HIRA: variants seen among roughly 807,000 people sequenced by gnomAD.
The protein encoded by HIRA is protein HIRA.
Under a neutral mutation model 126.6 loss-of-function variants are expected in HIRA, and 13 were observed. The observed-to-expected ratio is 0.10, with a 90% confidence interval of 0.07 to 0.16. The LOEUF (loss-of-function observed/expected upper bound fraction) is 0.16. Among genes scored for constraint, HIRA ranks in the 10% least tolerant of loss-of-function variants. The pLI is 1.00. For missense variants in HIRA, 834 were observed against 1,314.4 expected (o/e 0.63, Z 5.65); for synonymous variants, 511 against 520.0 (o/e 0.98, Z 0.24).
intron 2 of HIRA, among the ~76,000 whole-genome samples, chr22:19,410,424 C>G (rs1436186601): frequency 6.6e-6 from 1 of 152,216 alleles, no homozygotes; most frequent in Admixed American, 6.5e-5. Context: ...GGACCACCTA[C>G]CGCTCTCGAT....
chr22:19,346,624 G>A (rs2088689835), intron 24 of HIRA, among the ~76,000 whole-genome samples: 1 of 152,344 alleles, frequency 6.6e-6, no homozygotes, highest in African/African-American at 2.4e-5. Flanking sequence ...TGCAGCAGAG[G>A]TGGGTGCCCA....
rs782466504 is a variant in HIRA at position 19,354,040 on chromosome 22, C to A, written c.2640G>T (p.Met880Ile). 6.2e-7 allele frequency: 1 copy of A among 1,613,512 alleles called. No homozygotes were observed. The highest frequency in any genetic ancestry group is 8.5e-7 in the Non-Finnish European group (1 of 1,179,820). Residue 880 changes from methionine (M) to isoleucine (I), a missense_variant, in exon 22 of 25, where the codon ATG becomes ATT. Met to Ile is a conservative substitution (Grantham distance 10, BLOSUM62 1). This residue lies in a region of HIRA where 468 missense variants were observed against 574.2 expected (regional missense o/e 0.82). Coordinates refer to ENST00000263208, the MANE Select transcript of HIRA (RefSeq NM_003325.4). ...FRSSLPSQDA[M>I]LCSGPLAIIQ... Reference sequence around the variant, plus strand: ...TTATGGCTAACGGTCCTGAGCACAGCATGGCGTCCTGGGATGGCAGGCTGC... The same window carrying A: ...TTATGGCTAACGGTCCTGAGCACAGAATGGCGTCCTGGGATGGCAGGCTGC...
chr22:19,335,854 T>C (rs565003272), intron 24 of HIRA, among the ~76,000 whole-genome samples: 1 of 152,226 alleles, frequency 6.6e-6, no homozygotes, highest in South Asian at 2.1e-4. Flanking sequence ...AATTAGCTTG[T>C]CAAGTTTCAT....
intron 14 of HIRA, among the ~76,000 whole-genome samples, chr22:19,376,976 T>A (rs2089024832): frequency 6.6e-6 from 1 of 152,208 alleles, no homozygotes; most frequent in South Asian, 2.1e-4. Flanking sequence ...GTCTCCACTC[T>A]GGGGAAAAGC....
intron 13 of HIRA, 132 bp downstream of exon 13, chr22:19,383,488 T>G: frequency 1.4e-6 from 1 of 733,506 alleles, no homozygotes. Flanking sequence ...TGAGCTTCAC[T>G]TCCTTGCTTC....
At chr22:19,346,447 C>T (rs1475563300) in intron 24 of HIRA, among the ~76,000 whole-genome samples, 2 of 152,256 alleles carry the variant, frequency 1.3e-5, no homozygotes, top group African/African-American at 4.8e-5. Context: ...GATGAAAAGA[C>T]AGTAAACATA....
At chr22:19,426,049 T>A (rs2089485895) in intron 1 of HIRA, among the ~76,000 whole-genome samples, 2 of 151,996 alleles carry the variant, frequency 1.3e-5, no homozygotes, top group Admixed American at 1.3e-4. Flanking sequence ...AGTAAATAAA[T>A]ACATTCAGAG....
At chr22:19,353,323 G>C in intron 23 of HIRA, 33 bp downstream of exon 23, 1 of 1,611,632 alleles carries the variant, frequency 6.2e-7, no homozygotes, top group East Asian at 2.2e-5. Context: ...GGGGCAGAAG[G>C]AGAAGGCTGC....
intron 20 of HIRA, among the ~76,000 whole-genome samples, 178 bp from the exon 21 acceptor site, chr22:19,356,043 C>A (rs1569293670): frequency 2.6e-5 from 4 of 152,224 alleles, no homozygotes. Flanking sequence ...GCTTTTGTCA[C>A]CTCTTGGGGA....
chr22:19,359,301 T>C (rs2088842136), intron 18 of HIRA, 35 bp downstream of exon 18: 3 of 1,509,066 alleles, frequency 2.0e-6, no homozygotes, highest in Admixed American at 4.1e-5. Context: ...TGTGCCTGTG[T>C]CACCTGGGCC....
intron 24 of HIRA, among the ~76,000 whole-genome samples, chr22:19,334,325 C>A (rs2088536544): frequency 6.6e-6 from 1 of 150,722 alleles, no homozygotes. Context: ...TGTCTGTATT[C>A]TCCTTGAGCA....
At chr22:19,429,305 T>G (rs1223654228) in intron 1 of HIRA, among the ~76,000 whole-genome samples, 3 of 151,944 alleles carry the variant, frequency 2.0e-5, no homozygotes, top group African/African-American at 7.3e-5. Context: ...GCCCAGCTAA[T>G]TTTTGTATTT....
intron 24 of HIRA, among the ~76,000 whole-genome samples, chr22:19,345,910 A>G (rs1340391330): frequency 1.3e-5 from 2 of 152,200 alleles, no homozygotes; most frequent in African/African-American, 4.8e-5. Context: ...AGTTGAAAGA[A>G]ATCTGAACCT....
chr22:19,344,224 C>T (rs1416880059), intron 24 of HIRA, among the ~76,000 whole-genome samples: 1 of 151,940 alleles, frequency 6.6e-6, no homozygotes, highest in Non-Finnish European at 1.5e-5. Flanking sequence ...ATCAATGAAA[C>T]CAAAAGTTGA....
chr22:19,389,357 A>C (rs2089156395), intron 9 of HIRA, among the ~76,000 whole-genome samples: 1 of 152,106 alleles, frequency 6.6e-6, no homozygotes, highest in Non-Finnish European at 1.5e-5. Flanking sequence ...ACTTGTGCAC[A>C]AGTGCCTGGC....
rs143858430 is a variant in HIRA at position 19,385,685 on chromosome 22, C to T, written c.1165G>A (p.Ala389Thr). 2.1e-3 allele frequency: 3,331 copies of T among 1,614,030 alleles called. 8 individuals are homozygous for T. Among genetic ancestry groups the T allele is most frequent in the Non-Finnish European group, 2.4e-3 (2,816 of 1,180,020 alleles). Residue 389 changes from alanine (A) to threonine (T), a missense_variant, in exon 12 of 25, where the codon GCC becomes ACC. This residue lies in a region of HIRA where 153 missense variants were observed against 270.6 expected (regional missense o/e 0.57). Transcript: ENST00000263208. ...YGKSLAIMTE[A>T]QLSTAVIENP... is the part of the protein sequence containing the mutation. Reference sequence around the variant, plus strand: ...TCAATGACGGCTGTGGAGAGCTGGGCCTCGGTCATGATGGCTAGGCTCTTG... The same window carrying T: ...TCAATGACGGCTGTGGAGAGCTGGGTCTCGGTCATGATGGCTAGGCTCTTG...
chr22:19,336,664 A>C (rs2088570283), intron 24 of HIRA, among the ~76,000 whole-genome samples: 1 of 152,248 alleles, frequency 6.6e-6, no homozygotes, highest in African/African-American at 2.4e-5. Context: ...CCACCACAGC[A>C]GGTGCTGGTA....
chr22:19,391,483 CTTTTTT>C (rs574374874), intron 9 of HIRA, among the ~76,000 whole-genome samples: 2 of 137,782 alleles, frequency 1.5e-5, no homozygotes, highest in South Asian at 2.3e-4. Context: ...TTTTCTTTTT[CTTTTTT>C]TTTTTTTTTT....
intron 1 of HIRA, among the ~76,000 whole-genome samples, chr22:19,414,900 A>T (rs916206232): frequency 1.3e-5 from 2 of 152,002 alleles, no homozygotes; most frequent in Non-Finnish European, 2.9e-5. Flanking sequence ...ACAAAACAAA[A>T]CAAAAAATAT....
Sources: allele counts gnomAD v4.1 joint callset (sites outside exome capture counted in the v4.1 genomes callset), GRCh38; gene constraint gnomAD v4.1.1; regional missense constraint gnomAD v4.1.1; transcripts MANE v1.5; gene names NCBI Gene and HGNC (gene_info 2026-07-23, HGNC 2026-07-21).